Variants in HOOK3 observed in about 807,000 individuals in gnomAD.
The protein encoded by HOOK3 is protein Hook homolog 3.
A neutral mutation model predicts 116.3 loss-of-function variants in HOOK3; 24 were observed. That is an observed-to-expected ratio of 0.21 (90% CI 0.15 to 0.29). The LOEUF (loss-of-function observed/expected upper bound fraction) is 0.29. Ranked by LOEUF, HOOK3 falls within the 10% of genes least tolerant of loss-of-function variation. The pLI, the probability that HOOK3 is intolerant of heterozygous loss-of-function variation, is 1.00. For synonymous variants in HOOK3, 275 were observed against 283.0 expected (o/e 0.97, Z 0.28); for missense variants, 632 against 830.2 (o/e 0.76, Z 2.93).
chr8:42,929,455 A>G (rs1014958708), intron 3 of HOOK3, among the ~76,000 whole-genome samples: 11 of 152,222 alleles, frequency 7.2e-5, no homozygotes, highest in Admixed American at 3.3e-4. Context: ...AAAATAATCA[A>G]TAGAACTATA....
intron 14 of HOOK3, 39 bp from the exon 15 acceptor site, chr8:42,986,616 C>A: frequency 6.5e-7 from 1 of 1,528,468 alleles, no homozygotes; most frequent in Non-Finnish European, 8.9e-7. Flanking sequence ...CACCAAATGA[C>A]TGTGTATATA....
intron 2 of HOOK3, among the ~76,000 whole-genome samples, chr8:42,911,121 A>G (rs1024123458): frequency 6.6e-6 from 1 of 152,178 alleles, no homozygotes; most frequent in African/African-American, 2.4e-5. Flanking sequence ...GAAAAGGTAG[A>G]TGGAGCCAGA....
intron 18 of HOOK3, among the ~76,000 whole-genome samples, chr8:43,008,671 T>G (rs572243792): frequency 6.8e-6 from 1 of 148,108 alleles, no homozygotes; most frequent in African/African-American, 2.5e-5. Flanking sequence ...TTATTTTTTT[T>G]TTTTTTGAGA....
intron 13 of HOOK3, among the ~76,000 whole-genome samples, chr8:42,980,423 C>G (rs1376878993): frequency 2.6e-5 from 4 of 152,008 alleles, no homozygotes; most frequent in Non-Finnish European, 5.9e-5. Context: ...TTTGAATGTC[C>G]CCTCTGAAAC....
At chr8:42,919,750 A>C (rs1255800372) in intron 2 of HOOK3, among the ~76,000 whole-genome samples, 1 of 152,208 alleles carries the variant, frequency 6.6e-6, no homozygotes. Context: ...AGACCAGCCC[A>C]GCCAACACGG....
chr8:42,939,760 C>T (rs1443094296), intron 4 of HOOK3, among the ~76,000 whole-genome samples: 1 of 150,712 alleles, frequency 6.6e-6, no homozygotes. Context: ...CTCCTCACTT[C>T]TCAGATGGGG....
chr8:42,897,374 G>C, intron 1 of HOOK3, 186 bp downstream of exon 1: 1 of 395,388 alleles, frequency 2.5e-6, no homozygotes, highest in East Asian at 3.7e-5. Flanking sequence ...AGGCGTCGCT[G>C]TTCCGGGCGG....
At chr8:42,973,252 C>G (rs1808758326) in intron 11 of HOOK3, 37 bp from the exon 12 acceptor site, 1 of 1,566,412 alleles carries the variant, frequency 6.4e-7, no homozygotes. Flanking sequence ...TCTAATGTCT[C>G]AGATTATGTA....
intron 13 of HOOK3, 31 bp downstream of exon 13, chr8:42,974,225 G>T: frequency 1.3e-6 from 2 of 1,509,240 alleles, no homozygotes; most frequent in Non-Finnish European, 1.8e-6. Flanking sequence ...CAAACCAGAT[G>T]ATTTCTTTTT....
At chr8:42,902,554 A>T (rs777459551) in intron 1 of HOOK3, among the ~76,000 whole-genome samples, 24 of 152,030 alleles carry the variant, frequency 1.6e-4, no homozygotes, top group Admixed American at 2.6e-4. Context: ...TAACAGGTAT[A>T]AGCCACCACG....
At chr8:42,919,238 C>T (rs527320834) in intron 2 of HOOK3, among the ~76,000 whole-genome samples, 6 of 148,172 alleles carry the variant, frequency 4.0e-5, no homozygotes, top group Non-Finnish European at 7.4e-5. Flanking sequence ...GGGCGGCTTC[C>T]GGGCAGAGGG....
At chr8:42,972,876 G>GGT (rs1808750449) in intron 11 of HOOK3, among the ~76,000 whole-genome samples, 1 of 152,062 alleles carries the variant, frequency 6.6e-6, no homozygotes, top group South Asian at 2.1e-4. Flanking sequence ...GACACCTCAT[G>GGT]GTACCCAGAG....
intron 2 of HOOK3, among the ~76,000 whole-genome samples, chr8:42,908,667 G>T (rs1807361646): frequency 6.6e-6 from 1 of 152,120 alleles, no homozygotes; most frequent in Non-Finnish European, 1.5e-5. Context: ...AATTCAGAAT[G>T]GATTAAAGAC....
At chr8:42,913,456 A>G (rs769530947) in intron 2 of HOOK3, among the ~76,000 whole-genome samples, 4 of 152,214 alleles carry the variant, frequency 2.6e-5, no homozygotes, top group Non-Finnish European at 5.9e-5. Flanking sequence ...TGTTATCTGT[A>G]TTAATACTTC....
intron 4 of HOOK3, among the ~76,000 whole-genome samples, chr8:42,938,957 G>A (rs1298745949): frequency 6.6e-6 from 1 of 152,070 alleles, no homozygotes; most frequent in Non-Finnish European, 1.5e-5. Flanking sequence ...GTTTAACAAA[G>A]CACATCTTGC....
chr8:42,963,425 G>A (rs1016170107), intron 8 of HOOK3, among the ~76,000 whole-genome samples: 1 of 152,132 alleles, frequency 6.6e-6, no homozygotes, highest in Non-Finnish European at 1.5e-5. Context: ...GTTGGCAAAC[G>A]TTTGGATTGT....
At chr8:42,975,921 G>C (rs1032179017) in intron 13 of HOOK3, among the ~76,000 whole-genome samples, 1 of 152,060 alleles carries the variant, frequency 6.6e-6, no homozygotes, top group African/African-American at 2.4e-5. Context: ...TAGCCAGGAT[G>C]GTCTCAATCT....
At chr8:42,910,992 G>A (rs1363741302) in intron 2 of HOOK3, among the ~76,000 whole-genome samples, 54 of 152,264 alleles carry the variant, frequency 3.5e-4, no homozygotes, top group Non-Finnish European at 4.4e-5. Flanking sequence ...ATTTCTTCAC[G>A]GAGGGAAGAG....
chr8:43,003,873 C>T (rs1809423008), intron 17 of HOOK3, among the ~76,000 whole-genome samples: 1 of 152,158 alleles, frequency 6.6e-6, no homozygotes, highest in African/African-American at 2.4e-5. Flanking sequence ...TATAAGGATG[C>T]CAATCATTGG....
Sources: allele counts gnomAD v4.1 joint callset (sites outside exome capture counted in the v4.1 genomes callset), GRCh38; gene constraint gnomAD v4.1.1; transcripts MANE v1.5; gene names NCBI Gene and HGNC (gene_info 2026-07-23, HGNC 2026-07-21).